NBEA: variants seen among roughly 807,000 people sequenced by gnomAD.
NBEA encodes the protein neurobeachin.
In NBEA, 44 loss-of-function variants were observed where a neutral mutation model predicts 343.4. That is an observed-to-expected ratio of 0.13 (90% confidence interval 0.10 to 0.16). The LOEUF (loss-of-function observed/expected upper bound fraction) is 0.16, where lower values mean the gene tolerates loss of function less well. Ranked by LOEUF, NBEA falls within the 10% of genes least tolerant of loss-of-function variation. The pLI is 1.00. For missense variants in NBEA, 2,555 were observed against 3,631.3 expected, an observed-to-expected ratio of 0.70 and a Z score of 7.62; for synonymous variants, 1,175 against 1,238.7, an observed-to-expected ratio of 0.95 and a Z score of 1.08.
chr13:35,632,672 T>C (rs1405055917), intron 49 of NBEA, among the ~76,000 whole-genome samples: 1 of 151,982 alleles, frequency 6.6e-6, no homozygotes, highest in African/African-American at 2.4e-5. Context: ...AGCGGCTTAC[T>C]GCACCCCACC....
At chr13:34,983,375 A>G (rs2060428578) in intron 1 of NBEA, among the ~76,000 whole-genome samples, 1 of 152,174 alleles carries the variant, frequency 6.6e-6, no homozygotes, top group African/African-American at 2.4e-5. Context: ...ATGGCTGCAT[A>G]GTATCCCATG....
At chr13:35,077,811 A>G (rs536664992) in intron 10 of NBEA, among the ~76,000 whole-genome samples, 74 of 152,228 alleles carry the variant, frequency 4.9e-4, no homozygotes, top group African/African-American at 1.5e-3. Flanking sequence ...CTCTAGTCAC[A>G]TTTCTTGATA....
intron 38 of NBEA, among the ~76,000 whole-genome samples, chr13:35,398,326 G>A (rs1460973029): frequency 1.3e-5 from 2 of 152,100 alleles, no homozygotes; most frequent in Non-Finnish European, 1.5e-5. Flanking sequence ...TCCTGTTAAT[G>A]TTGATATTTT....
chr13:35,423,340 A>G (rs920678950), intron 38 of NBEA, among the ~76,000 whole-genome samples: 1 of 152,186 alleles, frequency 6.6e-6, no homozygotes, highest in African/African-American at 2.4e-5. Context: ...GGTGTAAGGA[A>G]GGGATCCAGT....
At chr13:35,052,137 A>C (rs569545320) in intron 6 of NBEA, among the ~76,000 whole-genome samples, 1 of 152,040 alleles carries the variant, frequency 6.6e-6, no homozygotes, top group African/African-American at 2.4e-5. Context: ...AAACCTTGAA[A>C]AGTCATAAAT....
intron 41 of NBEA, among the ~76,000 whole-genome samples, chr13:35,491,402 C>T (rs373858425): frequency 9.2e-5 from 14 of 151,876 alleles, no homozygotes; most frequent in East Asian, 3.9e-4. Context: ...TGGTCTTCTC[C>T]ACATCATCTC....
intron 8 of NBEA, among the ~76,000 whole-genome samples, chr13:35,060,180 GA>G (rs2152568223): frequency 7.2e-6 from 1 of 138,408 alleles, no homozygotes; most frequent in South Asian, 2.3e-4. Context: ...GCAAACAAAT[GA>G]AATATAAGAA....
In NBEA at chr13:34,943,048, G is replaced by A. The variant is rs1030738158; in HGVS notation, c.228G>A (p.Val76=). The part of the protein sequence containing the change: ...PIRNIRMKFA[V]LIGLIQVGEV... Reference sequence around the variant, plus strand: ...GCAACATCCGGATGAAATTCGCAGTGTTGATTGGACTCATACAGGTCGGAG... The same window carrying A: ...GCAACATCCGGATGAAATTCGCAGTATTGATTGGACTCATACAGGTCGGAG... The change falls in exon 1 of 59, where the codon GTG becomes GTA. Residue 76 remains valine, a synonymous_variant. Transcript: ENST00000379939. 5 of 1,613,394 alleles carry A rather than the reference G, an allele frequency of 3.1e-6. No homozygotes were observed. The highest frequency in any genetic ancestry group is 4.2e-6 in the Non-Finnish European group (5 of 1,179,704).
chr13:35,144,329 G>C (rs1463466285), intron 18 of NBEA, among the ~76,000 whole-genome samples: 1 of 152,126 alleles, frequency 6.6e-6, no homozygotes, highest in Non-Finnish European at 1.5e-5. Flanking sequence ...ATGCTATCTA[G>C]TTTTACTCCA....
intron 48 of NBEA, among the ~76,000 whole-genome samples, chr13:35,616,018 A>G (rs1461117770): frequency 2.0e-5 from 3 of 152,180 alleles, no homozygotes; most frequent in South Asian, 4.1e-4. Context: ...TCCTCCTTCA[A>G]TTCTACAAAT....
rs778202161 is a variant in NBEA, at chr13:35,050,390, C to T, written c.967C>T (p.Arg323Cys). 5 of 1,606,984 alleles carry T rather than the reference C, an allele frequency of 3.1e-6. No homozygotes were observed. The highest frequency in any genetic ancestry group is 3.4e-6 in the Non-Finnish European group (4 of 1,176,928). ...QHCVKYDFQP[R>C]KWYMISIVHI... ...TTGTGTGAAATATGATTTTCAACCA[C>T]GCAAGGTAGGTAAAAGTAAATATTT... Residue 323 changes from arginine to cysteine, a missense_variant, in exon 6 of 59, where the codon CGC (arginine) becomes TGC (cysteine). Coordinates refer to ENST00000379939, the MANE Select transcript of NBEA (RefSeq NM_001385012.1).
intron 47 of NBEA, 87 bp downstream of exon 47, chr13:35,593,534 T>C: frequency 1.1e-6 from 1 of 941,148 alleles, no homozygotes; most frequent in Non-Finnish European, 1.6e-6. Flanking sequence ...TAAGACATTT[T>C]ATATTGCAGC....
intron 17 of NBEA, among the ~76,000 whole-genome samples, chr13:35,138,325 TCA>T (rs976043064): frequency 6.6e-6 from 1 of 152,154 alleles, no homozygotes; most frequent in African/African-American, 2.4e-5. Context: ...CCCAATCATT[TCA>T]GTTTTTATCC....
At chr13:35,652,309 C>T (rs1220666145) in intron 53 of NBEA, among the ~76,000 whole-genome samples, 9 of 144,814 alleles carry the variant, frequency 6.2e-5, no homozygotes, top group African/African-American at 2.3e-4. Context: ...CAAACCTGCA[C>T]ATTGTGCACA....
intron 8 of NBEA, among the ~76,000 whole-genome samples, chr13:35,068,573 AAAAGTATT>A (rs1288987451): frequency 6.6e-6 from 1 of 152,154 alleles, no homozygotes; most frequent in Non-Finnish European, 1.5e-5. Context: ...TCATTCAAAA[AAAAGTATT>A]ATCAATGACA....
chr13:35,255,976 G>T (rs770543677), intron 34 of NBEA, among the ~76,000 whole-genome samples: 3 of 152,140 alleles, frequency 2.0e-5, no homozygotes, highest in Non-Finnish European at 2.9e-5. Context: ...CCGCAGGCAG[G>T]TCATCCCAGT....
chr13:35,032,161 T>C (rs868505770), intron 1 of NBEA, among the ~76,000 whole-genome samples: 2 of 151,986 alleles, frequency 1.3e-5, no homozygotes, highest in Middle Eastern at 3.4e-3. Context: ...TCTGGATATA[T>C]ACCCAGTAAT....
chr13:35,261,966 A>C (rs1267628748), intron 34 of NBEA, among the ~76,000 whole-genome samples: 1 of 152,240 alleles, frequency 6.6e-6, no homozygotes, highest in Non-Finnish European at 1.5e-5. Context: ...AAATTTCAAA[A>C]AACTCTTATT....
intron 49 of NBEA, among the ~76,000 whole-genome samples, chr13:35,636,557 G>T (rs2083699805): frequency 6.6e-6 from 1 of 152,242 alleles, no homozygotes. Context: ...AACACTTCTA[G>T]TGAACTTATA....
Sources: allele counts gnomAD v4.1 joint callset (sites outside exome capture counted in the v4.1 genomes callset), GRCh38; gene constraint gnomAD v4.1.1; transcripts MANE v1.5; gene names NCBI Gene and HGNC (gene_info 2026-07-23, HGNC 2026-07-21).